Variants in SIDT1 observed in about 807,000 individuals in gnomAD.
SIDT1 encodes the protein SID1 transmembrane family, member 1.
A neutral mutation model predicts 107.5 loss-of-function variants in SIDT1; 101 were observed. The observed-to-expected ratio is 0.94, with a 90% CI of 0.80 to 1.11. The LOEUF is 1.11. SIDT1 is among the 50% of genes least tolerant of loss of function. The probability of loss-of-function intolerance (pLI) is 0.00; values close to 1 mark genes in which losing one functional copy is unlikely to be tolerated. For synonymous variants in SIDT1, 395 were observed against 398.2 expected (o/e 0.99, Z 0.10); for missense variants, 1,076 against 1,058.2 (o/e 1.02, Z -0.23).
chr3:113,584,120 T>C (rs1370430230), intron 7 of SIDT1, among the ~76,000 whole-genome samples: 1 of 152,208 alleles, frequency 6.6e-6, no homozygotes. Context: ...CAGTGATTAA[T>C]CACATGTGAC....
chr3:113,579,845 C>T (rs757069470), intron 4 of SIDT1, among the ~76,000 whole-genome samples: 95 of 152,174 alleles, frequency 6.2e-4, no homozygotes, highest in Non-Finnish European at 1.1e-3. Context: ...TGGCAGAATT[C>T]CCCTTTCTTC....
intron 17 of SIDT1, 127 bp downstream of exon 17, chr3:113,608,663 G>A: frequency 2.8e-6 from 2 of 721,536 alleles, no homozygotes; most frequent in South Asian, 1.6e-5. Flanking sequence ...AGAGATCAGA[G>A]AGGACCTCCA....
At chr3:113,612,523 C>G (rs1319198892) in intron 19 of SIDT1, 3 of 419,906 alleles carry the variant, frequency 7.1e-6, no homozygotes, top group Non-Finnish European at 1.4e-5. Flanking sequence ...GATCATACCA[C>G]TAGTTCCACC....
chr3:113,615,094 C>T, intron 19 of SIDT1: 1 of 1,535,554 alleles, frequency 6.5e-7, no homozygotes, highest in Non-Finnish European at 8.7e-7. Flanking sequence ...TTCAGCCACC[C>T]TTTCCAGGGG....
At chr3:113,627,112 TGGA>T (rs1946911534) in intron 24 of SIDT1, among the ~76,000 whole-genome samples, 1 of 152,124 alleles carries the variant, frequency 6.6e-6, no homozygotes, top group South Asian at 2.1e-4. Context: ...GAACTAGAAA[TGGA>T]GGAGGAGGGT....
intron 9 of SIDT1, 87 bp from the exon 10 acceptor site, chr3:113,592,918 C>A: frequency 9.2e-7 from 1 of 1,088,974 alleles, no homozygotes; most frequent in Non-Finnish European, 1.4e-6. Flanking sequence ...TCCTAGTAGA[C>A]AAATCCGCAA....
chr3:113,615,638 GT>G (rs2107758717), intron 19 of SIDT1, among the ~76,000 whole-genome samples: 1 of 152,294 alleles, frequency 6.6e-6, no homozygotes, highest in South Asian at 2.1e-4. Flanking sequence ...TAGTTCAATT[GT>G]TACTAACTTA....
At chr3:113,629,805 G>C (rs1392483385), downstream of SIDT1, among the ~76,000 whole-genome samples, 1 of 152,194 alleles carries the variant, frequency 6.6e-6, no homozygotes, top group African/African-American at 2.4e-5. Flanking sequence ...AGCCTTCACT[G>C]TTTTCTGATC....
In SIDT1 at chr3:113,629,106, T is replaced by G. The variant is rs976822124; in HGVS notation, c.*1398T>G. On this transcript the variant is annotated 3_prime_UTR_variant, in exon 25 of 25. Transcript: ENST00000264852. ...CCTCTTGCCTCTGCTTTCCTGATCA[T>G]TCGTTAGAGAAATGGATCAGGCATT... 1.3e-5 allele frequency: 2 copies of G among 152,248 alleles called. No individual in the cohort carries two copies. The highest frequency in any genetic ancestry group is 2.9e-5 in the Non-Finnish European group (2 of 68,036). 9.4% of individuals were successfully genotyped at this position (152,248 alleles called of 1,614,324 possible).
chr3:113,597,541 C>G (rs1192620908), intron 10 of SIDT1, among the ~76,000 whole-genome samples: 1 of 149,074 alleles, frequency 6.7e-6, no homozygotes, highest in Non-Finnish European at 1.5e-5. Flanking sequence ...TAGTTCCCAT[C>G]ATTTCTGGCT....
At chr3:113,566,757 A>G (rs1941953580) in intron 2 of SIDT1, among the ~76,000 whole-genome samples, 1 of 152,208 alleles carries the variant, frequency 6.6e-6, no homozygotes, top group Admixed American at 6.5e-5. Context: ...GGCCACACCT[A>G]GAAGAGCTTT....
intron 3 of SIDT1, among the ~76,000 whole-genome samples, chr3:113,575,080 G>A (rs1227206852): frequency 6.6e-6 from 1 of 152,152 alleles, no homozygotes; most frequent in African/African-American, 2.4e-5. Flanking sequence ...TGTTTTACAA[G>A]TTTGCATGCA....
chr3:113,571,486 G>GCGCACACACACACACACACA (rs1553789357), intron 3 of SIDT1, among the ~76,000 whole-genome samples: 13 of 148,852 alleles, frequency 8.7e-5, no homozygotes, highest in Non-Finnish European at 1.6e-4. Flanking sequence ...CCTATCCTCT[G>GCGCACACACACACACACACA]CACACACACA....
At chr3:113,537,779 C>G (rs1938347707) in intron 1 of SIDT1, among the ~76,000 whole-genome samples, 1 of 152,146 alleles carries the variant, frequency 6.6e-6, no homozygotes, top group Non-Finnish European at 1.5e-5. Flanking sequence ...TTTCACGTGT[C>G]CTCTTCTTCT....
chr3:113,596,631 G>A (rs1053921063), intron 10 of SIDT1, among the ~76,000 whole-genome samples: 1 of 152,116 alleles, frequency 6.6e-6, no homozygotes, highest in African/African-American at 2.4e-5. Flanking sequence ...AATCTGAGAG[G>A]TACTAAGAAA....
chr3:113,538,111 C>T (rs956446572), intron 1 of SIDT1, among the ~76,000 whole-genome samples: 30 of 152,182 alleles, frequency 2.0e-4, no homozygotes, highest in African/African-American at 6.8e-4. Flanking sequence ...GGGCAGCAAT[C>T]CCTCCATGAA....
rs200959519 is a variant in SIDT1, at chr3:113,584,727, C to T, written c.865C>T (p.Arg289Ter). The part of the protein sequence containing the change: ...EKENQTWNLQ[R>*]KKNLEVTIVP... ...GGAAAACCAGACCTGGAATCTACAG[C>T]GAAAAAAGAACCTTGAAGTGACCAT... is the stretch of plus-strand genomic sequence containing the variant. Residue 289 changes from arginine (R) to a stop codon, truncating the protein, a stop_gained, in exon 8 of 25, where the codon CGA (arginine) becomes TGA (stop). Transcript: ENST00000264852. LOFTEE classifies it high-confidence loss of function. 3.2e-4 allele frequency: 518 copies of T among 1,598,562 alleles called. 1 individual carries two copies. Among genetic ancestry groups the T allele is most frequent in the Admixed American group, 5.9e-4 (33 of 55,978 alleles).
chr3:113,604,135 C>A, intron 13 of SIDT1, 102 bp downstream of exon 13: 2 of 758,190 alleles, frequency 2.6e-6, no homozygotes, highest in Non-Finnish European at 4.3e-6. Flanking sequence ...TTTAATGAGG[C>A]ACAGGCATAG....
intron 1 of SIDT1, among the ~76,000 whole-genome samples, chr3:113,534,954 G>GTA (rs530062348): frequency 8.8e-4 from 134 of 152,274 alleles, no homozygotes; most frequent in Non-Finnish European, 1.3e-3. Context: ...CTGCCCTCCA[G>GTA]TACCTAGCAC....
Sources: gnomAD v4.1 joint callset for allele counts (sites outside exome capture counted in the v4.1 genomes callset) on GRCh38, gnomAD v4.1.1 for gene constraint, MANE v1.5 for transcripts, NCBI Gene and HGNC (gene_info 2026-07-23, HGNC 2026-07-21) for gene names.